The following P2RY8 variants were observed in gnomAD, a reference collection of about 807,000 sequenced individuals.
P2RY8 encodes P2Y receptor family member 8.
In P2RY8, 6 loss-of-function variants were observed where a neutral mutation model predicts 10.0. The observed-to-expected ratio is 0.60, with a 90% CI of 0.33 to 1.19. The LOEUF (loss-of-function observed/expected upper bound fraction) is 1.19, where lower values mean the gene tolerates loss of function less well. Among genes scored for constraint, P2RY8 ranks in the 50% most tolerant of loss-of-function variants. The pLI, the probability that P2RY8 is intolerant of heterozygous loss-of-function variation, is 0.04. For missense variants in P2RY8, 456 were observed against 542.0 expected, an observed-to-expected ratio of 0.84 and a Z score of 1.58; for synonymous variants, 276 against 252.5, an observed-to-expected ratio of 1.09 and a Z score of -0.88.
At chrX:1,508,248 C>T (rs2092253366) in intron 1 of P2RY8, among the ~76,000 whole-genome samples, 1 of 152,160 alleles carries the variant, frequency 6.6e-6, no homozygotes, top group Non-Finnish European at 1.5e-5. Flanking sequence ...TGCCATTAAC[C>T]AGGCTGAGTG....
Position 1,465,467 on chromosome X carries a change from C to A in P2RY8, c.*12G>T. On this transcript the variant is annotated 3_prime_UTR_variant, in exon 2 of 2. Transcript: ENST00000381297. The stretch of plus-strand genomic sequence containing the variant: ...GCTGCGCCCCCGGCTCTCCAAGCTG[C>A]GCCCCCGGGACTCAGAACACACTCT... 1 of 1,585,334 alleles carries A rather than the reference C, an allele frequency of 6.3e-7. No homozygotes were observed.
chrX:1,466,683 G>C, intron 1 of P2RY8, 101 bp from the exon 2 acceptor site: 2 of 1,183,782 alleles, frequency 1.7e-6, no homozygotes, highest in Admixed American at 2.5e-5. Flanking sequence ...CCAAGGCGGG[G>C]GAGATGCTTT....
In P2RY8 at chrX:1,462,916, C is replaced by T; in HGVS notation, c.*2563G>A. 1 of 231,618 alleles carries T rather than the reference C, an allele frequency of 4.3e-6. No homozygotes were observed. Among genetic ancestry groups the T allele is most frequent in the Non-Finnish European group, 8.5e-6 (1 of 117,234 alleles). 14.3% of individuals were successfully genotyped at this position (231,618 alleles called of 1,614,324 possible). The stretch of plus-strand genomic sequence containing the variant: ...GTCAGCTTCCAGGAAACATCCACGG[C>T]TGTAAGAGGGGGTGTCGGCTGCTCT... On this transcript the variant is annotated 3_prime_UTR_variant, in exon 2 of 2. Transcript: ENST00000381297.
intron 1 of P2RY8, among the ~76,000 whole-genome samples, chrX:1,466,927 G>T (rs1298153989): frequency 1.5e-5 from 2 of 134,310 alleles, no homozygotes; most frequent in African/African-American, 2.8e-5. Flanking sequence ...TTGGATCAGG[G>T]AGGTCATTGG....
intron 1 of P2RY8, among the ~76,000 whole-genome samples, chrX:1,515,834 G>A (rs1352423481): frequency 6.6e-6 from 1 of 151,364 alleles, no homozygotes; most frequent in Non-Finnish European, 1.5e-5. Flanking sequence ...AGGGTGGGAT[G>A]AGTTTACAGC....
intron 1 of P2RY8, among the ~76,000 whole-genome samples, chrX:1,525,107 C>T (rs772422640): frequency 1.3e-4 from 20 of 152,310 alleles, no homozygotes; most frequent in Admixed American, 1.1e-3. Flanking sequence ...GAGTGGGGAC[C>T]CCCCAAAATC....
chrX:1,532,370 C>T (rs5989807), intron 1 of P2RY8, among the ~76,000 whole-genome samples: 133,926 of 143,130 alleles, frequency 0.94, 63,091 homozygotes, highest in East Asian at 1. Context: ...TACACATATA[C>T]GTATATGATG....
intron 1 of P2RY8, among the ~76,000 whole-genome samples, chrX:1,518,720 C>T (rs183198719): frequency 5.6e-4 from 85 of 151,810 alleles, no homozygotes; most frequent in African/African-American, 2.0e-3. Context: ...TCTCCCTGGC[C>T]GCCAATATTC....
intron 1 of P2RY8, among the ~76,000 whole-genome samples, chrX:1,499,386 G>A (rs1285146466): frequency 5.3e-5 from 8 of 151,758 alleles, no homozygotes; most frequent in Admixed American, 4.6e-4. Flanking sequence ...GGCTGATCTC[G>A]AACTCCTGAC....
intron 1 of P2RY8, among the ~76,000 whole-genome samples, chrX:1,522,332 G>A (rs1353446920): frequency 6.6e-6 from 1 of 152,006 alleles, no homozygotes; most frequent in Non-Finnish European, 1.5e-5. Context: ...ACCTCAGGGG[G>A]ATTTATTGCA....
Position 1,471,308 on chromosome X carries a change from C to CTTTTTTTTTTTTTTTTTTTTT in P2RY8, c.-24-4727_-24-4726insAAAAAAAAAAAAAAAAAAAAA, listed in dbSNP as rs1569536548. ...CAGACGTGAGCCACCGCGCCCAGCC[C>CTTTTTTTTTTTTTTTTTTTTT]ATTTTTTTTTTTTTTTTTTTTTTGT... On this transcript the variant is annotated intron_variant, in intron 1 of 1. Transcript: ENST00000381297. Among the ~76,000 whole-genome samples the CTTTTTTTTTTTTTTTTTTTTT allele has an allele frequency of 2.8e-5, 2 of 71,110 alleles. 1 individual carries two copies. 46.7% of individuals were successfully genotyped at this position (71,110 alleles called of 152,430 possible).
At chrX:1,512,034 C>G (rs1198193132) in intron 1 of P2RY8, among the ~76,000 whole-genome samples, 1 of 152,090 alleles carries the variant, frequency 6.6e-6, no homozygotes, top group Non-Finnish European at 1.5e-5. Context: ...GCTCATCACA[C>G]CAGATATGTA....
At chrX:1,480,252 T>C (rs1262870628) in intron 1 of P2RY8, among the ~76,000 whole-genome samples, 1 of 152,144 alleles carries the variant, frequency 6.6e-6, no homozygotes, top group Non-Finnish European at 1.5e-5. Flanking sequence ...CAACTCATAT[T>C]TTCATCACAG....
Position 1,516,906 on chromosome X carries a change from T to A in P2RY8, c.-25+20015A>T, listed in dbSNP as rs756189838. On this transcript the variant is annotated intron_variant, in intron 1 of 1. Coordinates refer to ENST00000381297, the MANE Select transcript of P2RY8 (RefSeq NM_178129.5). ...CTCAGACTTCCAGCCTCCAGGGCTGTGGGACAATCAATGTCTGTTGTGTAT... is the reference window on the plus strand; with the variant it reads ...CTCAGACTTCCAGCCTCCAGGGCTGAGGGACAATCAATGTCTGTTGTGTAT... 4.2e-4 allele frequency among the ~76,000 whole-genome samples: 63 copies of A among 151,436 alleles called. 2 individuals carry two copies. The highest frequency in any genetic ancestry group is 6.6e-4 in the Non-Finnish European group (45 of 67,866).
intron 1 of P2RY8, among the ~76,000 whole-genome samples, chrX:1,466,860 TTCCC>T (rs1214063448): frequency 1.7e-5 from 2 of 120,930 alleles, no homozygotes; most frequent in Admixed American, 1.1e-4. Flanking sequence ...CCTTCTCTTC[TTCCC>T]TCCTTCCTTC....
At position 1,464,608 on chromosome X, in the gene P2RY8, T is replaced by C. The variant is rs28641983; in HGVS notation, c.*871A>G. On this transcript the variant is annotated 3_prime_UTR_variant, in exon 2 of 2. Transcript: ENST00000381297. Reference sequence around the variant, plus strand: ...TGGACCCCATCTCACGGAGCCTCCTTTCCGCACCTGGGCCTCCCGTGGTCC... The same window carrying C: ...TGGACCCCATCTCACGGAGCCTCCTCTCCGCACCTGGGCCTCCCGTGGTCC... 13,385 of 233,266 alleles carry C rather than the reference T, an allele frequency of 0.057. 621 individuals are homozygous for C. The highest frequency in any genetic ancestry group is 0.15 in the African/African-American group (6,811 of 45,398). 14.4% of individuals were successfully genotyped at this position (233,266 alleles called of 1,614,324 possible). A position where few individuals can be genotyped will look rare whatever the true frequency, so the allele number is the denominator to read the frequency against.
Position 1,466,318 on chromosome X carries a change from A to G in P2RY8, c.241T>C (p.Tyr81His). The change falls in exon 2 of 2, where the codon TAC becomes CAC. Residue 81 changes from tyrosine to histidine, a missense_variant. By Grantham distance (83) the Tyr-to-His change is moderately conservative (BLOSUM62 2). Coordinates refer to ENST00000381297, the MANE Select transcript of P2RY8 (RefSeq NM_178129.5). ...MLASVLPFQI[Y>H]YHCNRHHWVF... Reference sequence around the variant, plus strand: ...CAGTGGTGGCGGTTGCAATGGTAGTAGATTTGGAAAGGCAACACGCTGGCC... The same window carrying G: ...CAGTGGTGGCGGTTGCAATGGTAGTGGATTTGGAAAGGCAACACGCTGGCC... 1 of 1,613,818 alleles carries G rather than the reference A, an allele frequency of 6.2e-7. No homozygotes were observed. Among genetic ancestry groups the G allele is most frequent in the South Asian group, 1.1e-5 (1 of 91,074 alleles).
intron 1 of P2RY8, among the ~76,000 whole-genome samples, chrX:1,524,629 C>CCATG (rs2092422682): frequency 1.1e-5 from 1 of 87,174 alleles, no homozygotes; most frequent in Non-Finnish European, 2.3e-5. Flanking sequence ...ATCCATTCAT[C>CCATG]CATCCATCCA....
At chrX:1,525,636 C>G (rs2092434882) in intron 1 of P2RY8, among the ~76,000 whole-genome samples, 1 of 152,186 alleles carries the variant, frequency 6.6e-6, no homozygotes, top group Non-Finnish European at 1.5e-5. Flanking sequence ...TCCATTCATC[C>G]ATTCATCCAT....
Sources: gnomAD v4.1 joint callset for allele counts (sites outside exome capture counted in the v4.1 genomes callset) on GRCh38, gnomAD v4.1.1 for gene constraint, MANE v1.5 for transcripts, NCBI Gene and HGNC (gene_info 2026-07-23, HGNC 2026-07-21) for gene names.